Variants in CABIN1 observed in about 807,000 individuals in gnomAD.
CABIN1 encodes calcineurin-binding protein cabin-1.
A neutral mutation model predicts 227.7 loss-of-function variants in CABIN1; 133 were observed. That is an observed-to-expected ratio of 0.58 (90% CI 0.51 to 0.67). The LOEUF (loss-of-function observed/expected upper bound fraction) is 0.67. Ranked by LOEUF, CABIN1 falls within the 30% of genes least tolerant of loss-of-function variation. The pLI is 0.00. For missense variants in CABIN1, 2,408 were observed against 2,852.5 expected, an observed-to-expected ratio of 0.84 and a Z score of 3.55; for synonymous variants, 1,086 against 1,155.1, an observed-to-expected ratio of 0.94 and a Z score of 1.21.
At chr22:24,027,072 C>T (rs963205316) in intron 1 of CABIN1, among the ~76,000 whole-genome samples, 1 of 152,138 alleles carries the variant, frequency 6.6e-6, no homozygotes, top group Non-Finnish European at 1.5e-5. Flanking sequence ...CCACTGTTTT[C>T]TTGGTTTCAG....
rs1043771654 is a variant in CABIN1, at chr22:24,066,876, T to C, written c.2038-111T>C. The C allele has an allele frequency of 3.9e-6, 4 of 1,015,378 alleles. No individual in the cohort carries two copies. In the African/African-American group the frequency reaches 6.4e-5, roughly 16 times the overall value. 62.9% of individuals were successfully genotyped at this position (1,015,378 alleles called of 1,614,324 possible). On this transcript the variant is annotated intron_variant, in intron 15 of 36. Coordinates refer to ENST00000263119, the MANE Select transcript of CABIN1 (RefSeq NM_012295.4). ...TAATTTTTTTTGGGCTGGAACATAG[T>C]CTAATTTTTATTCTCCTCATCCAAG...
chr22:24,039,415 A>G (rs1230357669), intron 4 of CABIN1, among the ~76,000 whole-genome samples: 2 of 152,148 alleles, frequency 1.3e-5, no homozygotes, highest in Non-Finnish European at 2.9e-5. Context: ...TGTATTCCTA[A>G]TTATATAGCT....
chr22:24,073,687 GGTTGA>G (rs1409451807), intron 18 of CABIN1, among the ~76,000 whole-genome samples: 1 of 152,164 alleles, frequency 6.6e-6, no homozygotes, highest in Non-Finnish European at 1.5e-5. Flanking sequence ...TGTGGGTGTG[GGTTGA>G]GTTGAGCCCT....
rs5760182 is a variant in CABIN1, at chr22:24,035,002, C to T, written c.-74-442C>T. ...GTTTTCCCATCACACCTCGCTCTCC[C>T]TGCCTCTTTGCTTCACTGTCTTCCA... On this transcript the variant is annotated intron_variant, in intron 1 of 36. Coordinates refer to ENST00000263119, the MANE Select transcript of CABIN1 (RefSeq NM_012295.4). 1.5e-4 allele frequency among the ~76,000 whole-genome samples: 23 copies of T among 152,326 alleles called. No individual in the cohort carries two copies. The East Asian group carries it at 4.0e-3, about 27-fold the overall frequency.
At chr22:24,051,376 C>T (rs1444966474) in intron 8 of CABIN1, among the ~76,000 whole-genome samples, 1 of 152,084 alleles carries the variant, frequency 6.6e-6, no homozygotes, top group Non-Finnish European at 1.5e-5. Flanking sequence ...TCTCCGCTCT[C>T]AAGTCCATGT....
intron 19 of CABIN1, 36 bp from the exon 20 acceptor site, chr22:24,083,192 G>A (rs2040925637): frequency 6.2e-6 from 10 of 1,610,294 alleles, no homozygotes; most frequent in Non-Finnish European, 7.6e-6. Context: ...GTGGCTACAG[G>A]CCCTCACCTC....
chr22:24,050,754 T>C, intron 7 of CABIN1, 71 bp from the exon 8 acceptor site: 2 of 1,580,512 alleles, frequency 1.3e-6, no homozygotes, highest in Non-Finnish European at 1.7e-6. Context: ...AAATGCATTT[T>C]TGTGTGTAAA....
chr22:24,161,727 A>G (rs996294873), intron 29 of CABIN1, among the ~76,000 whole-genome samples: 10 of 151,378 alleles, frequency 6.6e-5, no homozygotes, highest in African/African-American at 2.4e-4. Flanking sequence ...CATTCTCCAC[A>G]CCCTCCCTGA....
chr22:24,174,953 A>G (rs1683685761), intron 34 of CABIN1, among the ~76,000 whole-genome samples: 1 of 152,100 alleles, frequency 6.6e-6, no homozygotes, highest in South Asian at 2.1e-4. Context: ...GTAGCGGAGT[A>G]GGGGGCTAGA....
chr22:24,160,677 G>A (rs1045783223), intron 29 of CABIN1, among the ~76,000 whole-genome samples: 2 of 152,266 alleles, frequency 1.3e-5, no homozygotes, highest in African/African-American at 4.8e-5. Context: ...GTGTGCTGGA[G>A]ACAGCATGAG....
intron 26 of CABIN1, among the ~76,000 whole-genome samples, chr22:24,109,832 G>A (rs1343049194): frequency 6.6e-6 from 1 of 152,204 alleles, no homozygotes; most frequent in East Asian, 1.9e-4. Flanking sequence ...AGTTTATTGA[G>A]CTTCACCTTG....
chr22:24,079,985 G>T (rs751733406), intron 19 of CABIN1, among the ~76,000 whole-genome samples: 21 of 152,078 alleles, frequency 1.4e-4, no homozygotes, highest in Non-Finnish European at 2.8e-4. Flanking sequence ...TTTGAGGTTT[G>T]TGATTTTTTG....
chr22:24,076,128 C>T (rs1021671670), intron 18 of CABIN1, 41 bp from the exon 19 acceptor site: 2 of 1,515,572 alleles, frequency 1.3e-6, no homozygotes, highest in African/African-American at 1.4e-5. Flanking sequence ...CACGCAGGTT[C>T]CCACACTAAC....
intron 7 of CABIN1, 28 bp from the exon 8 acceptor site, chr22:24,050,797 A>C: frequency 6.2e-7 from 1 of 1,614,010 alleles, no homozygotes; most frequent in Non-Finnish European, 8.5e-7. Context: ...GTAACATGAT[A>C]ATTTCTCCCT....
chr22:24,122,387 C>T (rs1367147865), intron 28 of CABIN1, among the ~76,000 whole-genome samples: 5 of 151,984 alleles, frequency 3.3e-5, no homozygotes, highest in Non-Finnish European at 7.4e-5. Context: ...GCTGAGCCAT[C>T]GCTAAGCCAA....
intron 22 of CABIN1, 101 bp downstream of exon 22, chr22:24,085,252 A>G (rs2041076326): frequency 2.4e-6 from 3 of 1,265,554 alleles, no homozygotes; most frequent in African/African-American, 1.5e-5. Flanking sequence ...TTCCCTGTCC[A>G]TTGCAAAGAG....
At chr22:24,106,668 G>A (rs1221872698) in intron 26 of CABIN1, among the ~76,000 whole-genome samples, 1 of 152,192 alleles carries the variant, frequency 6.6e-6, no homozygotes, top group African/African-American at 2.4e-5. Flanking sequence ...CACTGTTCAT[G>A]TCTGTCTGTC....
chr22:24,014,018 C>T (rs2035046474), intron 1 of CABIN1, among the ~76,000 whole-genome samples: 1 of 152,158 alleles, frequency 6.6e-6, no homozygotes, highest in African/African-American at 2.4e-5. Flanking sequence ...TATTGGTTTA[C>T]TTGGTGTCTA....
At chr22:24,147,329 T>TTTC (rs2045199604) in intron 29 of CABIN1, among the ~76,000 whole-genome samples, 1 of 46,604 alleles carries the variant, frequency 2.1e-5, no homozygotes, top group Non-Finnish European at 4.1e-5. Flanking sequence ...CCCTCCCTCC[T>TTTC]CTCCTCCCTC....
Sources: allele counts gnomAD v4.1 joint callset (sites outside exome capture counted in the v4.1 genomes callset), GRCh38; gene constraint gnomAD v4.1.1; transcripts MANE v1.5; gene names NCBI Gene and HGNC (gene_info 2026-07-23, HGNC 2026-07-21).